SMOC2: variants seen among roughly 807,000 people sequenced by gnomAD.
SMOC2 encodes the protein SPARC-related modular calcium-binding protein 2.
A neutral mutation model predicts 61.4 loss-of-function variants in SMOC2; 39 were observed. That is an observed-to-expected ratio of 0.64 (90% CI 0.49 to 0.83). The LOEUF (loss-of-function observed/expected upper bound fraction) is 0.83. Ranked by LOEUF, SMOC2 falls within the 40% of genes least tolerant of loss-of-function variation. The pLI, the probability that SMOC2 is intolerant of heterozygous loss-of-function variation, is 0.00. For synonymous variants in SMOC2, 247 were observed against 239.9 expected, an observed-to-expected ratio of 1.03 and a Z score of -0.27; for missense variants, 556 against 592.9, an observed-to-expected ratio of 0.94 and a Z score of 0.65.
chr6:168,562,842 T>G (rs776126012), intron 7 of SMOC2, among the ~76,000 whole-genome samples: 2 of 152,134 alleles, frequency 1.3e-5, no homozygotes, highest in Non-Finnish European at 2.9e-5. Context: ...TCTGGATCCC[T>G]CCAGGCCGTA....
intron 7 of SMOC2, among the ~76,000 whole-genome samples, chr6:168,579,970 C>T (rs771870349): frequency 6.6e-6 from 1 of 152,126 alleles, no homozygotes; most frequent in Non-Finnish European, 1.5e-5. Flanking sequence ...ATGCTGAGGA[C>T]ACCGGGGAGG....
intron 7 of SMOC2, among the ~76,000 whole-genome samples, chr6:168,594,326 T>G (rs1221238277): frequency 6.4e-5 from 3 of 46,758 alleles, no homozygotes; most frequent in African/African-American, 2.2e-4. Flanking sequence ...GAGGGGCATC[T>G]TTCTAGAGGA....
At chr6:168,642,327 A>G (rs1786911432) in intron 9 of SMOC2, among the ~76,000 whole-genome samples, 1 of 152,236 alleles carries the variant, frequency 6.6e-6, no homozygotes, top group South Asian at 2.1e-4. Context: ...TGGTTTGAAC[A>G]GTTGGCTACG....
chr6:168,580,378 G>A (rs1243297690), intron 7 of SMOC2, among the ~76,000 whole-genome samples: 6 of 152,134 alleles, frequency 3.9e-5, no homozygotes, highest in Non-Finnish European at 8.8e-5. Flanking sequence ...GTCCTCAGAC[G>A]CCGAGGCTGG....
At chr6:168,630,111 G>A (rs982029088) in intron 9 of SMOC2, among the ~76,000 whole-genome samples, 28 of 152,100 alleles carry the variant, frequency 1.8e-4, no homozygotes, top group African/African-American at 5.8e-4. Context: ...CTCCAACTCA[G>A]GGTGCCACAC....
chr6:168,500,333 C>T (rs1017215825), intron 1 of SMOC2, among the ~76,000 whole-genome samples: 8 of 149,486 alleles, frequency 5.4e-5, no homozygotes, highest in African/African-American at 2.0e-4. Flanking sequence ...AAAGAGATGA[C>T]ATCCGAAGAG....
At chr6:168,613,712 A>G (rs2115214732) in intron 9 of SMOC2, among the ~76,000 whole-genome samples, 2 of 119,546 alleles carry the variant, frequency 1.7e-5, no homozygotes, top group East Asian at 2.7e-4. Context: ...CAGCCAGCAC[A>G]GGGCCTCTTC....
chr6:168,478,298 A>C (rs1782134967), intron 1 of SMOC2, among the ~76,000 whole-genome samples: 1 of 151,960 alleles, frequency 6.6e-6, no homozygotes, highest in African/African-American at 2.4e-5. Flanking sequence ...GGTGTAGCCA[A>C]GAAAATGATG....
At chr6:168,479,360 C>T (rs1424989813) in intron 1 of SMOC2, among the ~76,000 whole-genome samples, 2 of 152,166 alleles carry the variant, frequency 1.3e-5, no homozygotes, top group Non-Finnish European at 2.9e-5. Flanking sequence ...ATTTATAAGG[C>T]ATCGCTATTT....
intron 7 of SMOC2, among the ~76,000 whole-genome samples, chr6:168,566,779 A>T (rs1341914221): frequency 6.6e-6 from 1 of 152,170 alleles, no homozygotes; most frequent in Non-Finnish European, 1.5e-5. Flanking sequence ...GATTACAGGC[A>T]TGAGCCACTG....
At position 168,598,831 on chromosome 6, in the gene SMOC2, C is replaced by A; in HGVS notation, c.651C>A (p.Asp217Glu). The change falls in exon 8 of 13, where the codon GAC (aspartate) becomes GAA (glutamate). Residue 217 changes from aspartate to glutamate, a missense_variant. Transcript: ENST00000356284. ...KTNKNSVSSC[D>E]QEHQSALEEA... ...TCTTCCCCGCAGTGTCATCCTGTGACCAAGAGCACCAGTCTGCCCTGGAGG... is the reference window on the plus strand; with the variant it reads ...TCTTCCCCGCAGTGTCATCCTGTGAACAAGAGCACCAGTCTGCCCTGGAGG... 6.2e-7 allele frequency: 1 copy of A among 1,613,772 alleles called. No homozygotes were observed. The highest frequency in any genetic ancestry group is 8.5e-7 in the Non-Finnish European group (1 of 1,179,778).
intron 1 of SMOC2, among the ~76,000 whole-genome samples, chr6:168,497,997 G>A (rs186745270): frequency 5.9e-5 from 9 of 152,254 alleles, no homozygotes; most frequent in East Asian, 5.8e-4. Context: ...TTTAACTCAC[G>A]GGACTGCACA....
At chr6:168,648,819 G>A (rs937387037) in intron 9 of SMOC2, among the ~76,000 whole-genome samples, 6 of 152,166 alleles carry the variant, frequency 3.9e-5, no homozygotes, top group Admixed American at 6.5e-5. Context: ...GGCAGCTCAC[G>A]TGTGCTTCAA....
intron 1 of SMOC2, among the ~76,000 whole-genome samples, chr6:168,457,123 C>A (rs574467063): frequency 6.6e-6 from 1 of 152,330 alleles, no homozygotes; most frequent in African/African-American, 2.4e-5. Context: ...ACAGCGCGGC[C>A]GCCACGCCCC....
Position 168,666,562 on chromosome 6 carries a change from T to C in SMOC2, c.*124T>C, listed in dbSNP as rs1787667560. ...TTTGTACTTTAAATGTAAATTCACT[T>C]TGTAGAAATGAGCTATTTAAACAGA... On this transcript the variant is annotated 3_prime_UTR_variant, in exon 13 of 13. Transcript: ENST00000356284. 1.0e-5 allele frequency: 11 copies of C among 1,093,484 alleles called. No individual in the cohort carries two copies. Among genetic ancestry groups the C allele is most frequent in the Non-Finnish European group, 1.5e-5 (11 of 727,452 alleles). The allele number at this position is 1,093,484 out of a possible 1,614,324, so 67.7% of individuals were successfully genotyped here.
At chr6:168,444,954 A>G (rs923209793) in intron 1 of SMOC2, among the ~76,000 whole-genome samples, 1 of 152,136 alleles carries the variant, frequency 6.6e-6, no homozygotes, top group Non-Finnish European at 1.5e-5. Context: ...TGACTAAATC[A>G]TATTTTGCTC....
chr6:168,527,265 G>T (rs1232565571), intron 3 of SMOC2, among the ~76,000 whole-genome samples: 2 of 152,164 alleles, frequency 1.3e-5, no homozygotes, highest in Non-Finnish European at 2.9e-5. Flanking sequence ...AGAGGCCGAG[G>T]TTGCTCTCCT....
intron 1 of SMOC2, among the ~76,000 whole-genome samples, chr6:168,490,729 A>C (rs1782454469): frequency 6.6e-6 from 1 of 152,230 alleles, no homozygotes; most frequent in Non-Finnish European, 1.5e-5. Flanking sequence ...GCTCCTTGGA[A>C]CAACCTTGAC....
chr6:168,526,150 G>A (rs1562570480), intron 2 of SMOC2, among the ~76,000 whole-genome samples, 196 bp from the exon 3 acceptor site: 2 of 152,228 alleles, frequency 1.3e-5, no homozygotes, highest in South Asian at 2.1e-4. Context: ...ATAGGACCAG[G>A]CCTGCATGTG....
Sources: allele counts gnomAD v4.1 joint callset (sites outside exome capture counted in the v4.1 genomes callset), GRCh38; gene constraint gnomAD v4.1.1; transcripts MANE v1.5; gene names NCBI Gene and HGNC (gene_info 2026-07-23, HGNC 2026-07-21).